The following USH2A variants were observed in gnomAD, a reference collection of about 807,000 sequenced individuals.
USH2A encodes the protein usherin.
USH2A carries 443 observed loss-of-function variants against 538.9 expected under a neutral mutation model. The ratio of observed to expected loss-of-function variants is 0.82; its 90% CI spans 0.76 to 0.89. The LOEUF (loss-of-function observed/expected upper bound fraction) is 0.89, where lower values mean the gene tolerates loss of function less well. Among genes scored for constraint, USH2A ranks in the 40% least tolerant of loss-of-function variants. The pLI, the probability that USH2A is intolerant of heterozygous loss-of-function variation, is 0.00. For missense variants in USH2A, 6,633 were observed against 6,324.8 expected, an observed-to-expected ratio of 1.05 and a Z score of -1.65; for synonymous variants, 2,413 against 2,273.5, an observed-to-expected ratio of 1.06 and a Z score of -1.75.
At chr1:216,409,036 C>A (rs2102770222) in intron 3 of USH2A, among the ~76,000 whole-genome samples, 1 of 152,176 alleles carries the variant, frequency 6.6e-6, no homozygotes, top group South Asian at 2.1e-4. Context: ...AAAGCAAAGC[C>A]AAGGGTAATG....
At chr1:216,144,764 CT>C (rs1490353289) in intron 21 of USH2A, among the ~76,000 whole-genome samples, 4 of 152,136 alleles carry the variant, frequency 2.6e-5, no homozygotes, top group Non-Finnish European at 5.9e-5. Flanking sequence ...TATCTGGCTA[CT>C]TTTTCTTGAT....
intron 31 of USH2A, 62 bp from the exon 32 acceptor site, chr1:216,046,654 G>T: frequency 6.3e-7 from 1 of 1,579,548 alleles, no homozygotes. Flanking sequence ...AAACTTTTCA[G>T]ACCCAAACCA....
intron 61 of USH2A, among the ~76,000 whole-genome samples, chr1:215,714,478 A>T (rs1659426764): frequency 1.3e-5 from 2 of 152,236 alleles, no homozygotes; most frequent in Admixed American, 6.5e-5. Context: ...ATGAGGAAAT[A>T]ATAACTTAAT....
At chr1:216,350,870 C>T (rs2038268497) in intron 4 of USH2A, among the ~76,000 whole-genome samples, 1 of 152,168 alleles carries the variant, frequency 6.6e-6, no homozygotes, top group Admixed American at 6.5e-5. Context: ...TGCAACACCA[C>T]ATTTCCCCTT....
In USH2A at chr1:216,154,607, C is replaced by T. The variant is rs539559402; in HGVS notation, c.4627+20645G>A. Among the ~76,000 whole-genome samples the T allele has an allele frequency of 2.0e-5, 3 of 152,282 alleles. No individual in the cohort carries two copies. The South Asian group carries it at 6.2e-4, about 32-fold the overall frequency. The stretch of plus-strand genomic sequence containing the variant: ...CGATATGTTTTGACAGATGTACACA[C>T]TTGTAAAACCACTACCTTGATTGTT... On this transcript the variant is annotated intron_variant, in intron 21 of 71. Coordinates refer to ENST00000307340, the MANE Select transcript of USH2A (RefSeq NM_206933.4).
At chr1:216,254,476 A>G (rs2036222760) in intron 11 of USH2A, among the ~76,000 whole-genome samples, 1 of 152,158 alleles carries the variant, frequency 6.6e-6, no homozygotes, top group African/African-American at 2.4e-5. Flanking sequence ...AGATTGACCT[A>G]TTGGTTTTCT....
chr1:216,266,036 G>C (rs1196801353), intron 11 of USH2A, among the ~76,000 whole-genome samples: 1 of 152,048 alleles, frequency 6.6e-6, no homozygotes, highest in Non-Finnish European at 1.5e-5. Context: ...TTTTCAAATA[G>C]CTAGAAGAAA....
intron 38 of USH2A, among the ~76,000 whole-genome samples, chr1:215,923,067 CCAAACA>C (rs1666141545): frequency 6.6e-6 from 1 of 152,024 alleles, no homozygotes; most frequent in African/African-American, 2.4e-5. Context: ...CAAGCAAAAG[CCAAACA>C]CATATGTTAA....
Position 215,918,583 on chromosome 1 carries a change from T to C in USH2A, c.7300+16033A>G, listed in dbSNP as rs529970691. On this transcript the variant is annotated intron_variant, in intron 38 of 71. Transcript: ENST00000307340. ...CTTGTAAGGCACCTAGTCTATAGTA[T>C]TTTGTTGTAGCCGCCTAAACGGACA... Among the ~76,000 whole-genome samples the C allele has an allele frequency of 2.0e-5, 3 of 152,230 alleles. No homozygotes were observed. In the East Asian group the frequency reaches 5.8e-4, roughly 29 times the overall value.
intron 38 of USH2A, among the ~76,000 whole-genome samples, chr1:215,926,141 T>C (rs1666231286): frequency 6.6e-6 from 1 of 151,450 alleles, no homozygotes; most frequent in Non-Finnish European, 1.5e-5. Flanking sequence ...TTATTTACTC[T>C]TTTGCTCTTT....
intron 15 of USH2A, among the ~76,000 whole-genome samples, chr1:216,212,726 G>GGT (rs371071186): frequency 1.8e-4 from 27 of 150,402 alleles, no homozygotes; most frequent in Admixed American, 1.1e-3. Context: ...TGTATGTAGG[G>GGT]GTGTGTGTGT....
intron 9 of USH2A, among the ~76,000 whole-genome samples, chr1:216,317,712 G>T (rs1032456873): frequency 6.6e-6 from 1 of 151,852 alleles, no homozygotes; most frequent in African/African-American, 2.4e-5. Flanking sequence ...AGTTAGCCGC[G>T]TGTGGTGGTG....
At chr1:216,354,249 C>T (rs2038339397) in intron 4 of USH2A, among the ~76,000 whole-genome samples, 1 of 152,140 alleles carries the variant, frequency 6.6e-6, no homozygotes, top group Admixed American at 6.6e-5. Context: ...CAGTGCTCTT[C>T]TTTGTAAAGG....
chr1:216,138,450 CT>C (rs36115250), intron 21 of USH2A, among the ~76,000 whole-genome samples: 1 of 152,276 alleles, frequency 6.6e-6, no homozygotes, highest in African/African-American at 2.4e-5. Flanking sequence ...AACTGTAGCC[CT>C]TTTTCATGGG....
At chr1:216,324,088 C>A in intron 7 of USH2A, 80 bp downstream of exon 7, 1 of 1,489,938 alleles carries the variant, frequency 6.7e-7, no homozygotes, top group Non-Finnish European at 9.1e-7. Context: ...GAAGTCTCCA[C>A]CAGCCTAGAG....
intron 37 of USH2A, among the ~76,000 whole-genome samples, chr1:215,951,812 C>A (rs1029069512): frequency 1.3e-5 from 2 of 151,828 alleles, no homozygotes; most frequent in Admixed American, 6.6e-5. Flanking sequence ...TCTGTAATGG[C>A]CTTCTTTGTC....
At chr1:215,692,224 A>G (rs1658639429) in intron 61 of USH2A, among the ~76,000 whole-genome samples, 1 of 152,074 alleles carries the variant, frequency 6.6e-6, no homozygotes, top group Non-Finnish European at 1.5e-5. Context: ...GAGTGGGTGG[A>G]AGGGAGAACA....
At chr1:215,720,668 G>A (rs1659630915) in intron 61 of USH2A, among the ~76,000 whole-genome samples, 1 of 152,144 alleles carries the variant, frequency 6.6e-6, no homozygotes, top group Admixed American at 6.5e-5. Context: ...AACGTGATAG[G>A]ACTTGATATT....
intron 4 of USH2A, among the ~76,000 whole-genome samples, chr1:216,349,401 G>A (rs535707110): frequency 4.8e-4 from 73 of 152,212 alleles, no homozygotes; most frequent in African/African-American, 1.7e-3. Flanking sequence ...ATAAGGCTGA[G>A]GCCTACTGGG....
Sources: allele counts gnomAD v4.1 joint callset (sites outside exome capture counted in the v4.1 genomes callset), GRCh38; gene constraint gnomAD v4.1.1; transcripts MANE v1.5; gene names NCBI Gene and HGNC (gene_info 2026-07-23, HGNC 2026-07-21).